CDON: variants seen among roughly 807,000 people sequenced by gnomAD.
CDON encodes cell adhesion molecule-related/down-regulated by oncogenes.
CDON carries 73 observed loss-of-function variants against 120.9 expected under a neutral mutation model. The observed-to-expected ratio is 0.60, with a 90% CI of 0.50 to 0.73. The LOEUF (loss-of-function observed/expected upper bound fraction) is 0.73, where lower values mean the gene tolerates loss of function less well. Among genes scored for constraint, CDON ranks in the 30% least tolerant of loss-of-function variants. CDON has a pLI of 0.00. For synonymous variants in CDON, 566 were observed against 573.5 expected, an observed-to-expected ratio of 0.99 and a Z score of 0.19; for missense variants, 1,470 against 1,587.3, an observed-to-expected ratio of 0.93 and a Z score of 1.26.
intron 1 of CDON, among the ~76,000 whole-genome samples, chr11:126,026,898 T>C (rs555632049): frequency 6.6e-6 from 1 of 152,324 alleles, no homozygotes; most frequent in East Asian, 1.9e-4. Context: ...TTTTGCCAAA[T>C]CTTTCAGCTA....
intron 1 of CDON, among the ~76,000 whole-genome samples, chr11:126,024,705 C>G (rs1947742462): frequency 6.6e-6 from 1 of 152,064 alleles, no homozygotes; most frequent in Non-Finnish European, 1.5e-5. Context: ...GAAGTCAGAG[C>G]TGGAAATGTA....
chr11:125,982,437 A>G (rs1265396965), intron 16 of CDON, among the ~76,000 whole-genome samples: 1 of 152,212 alleles, frequency 6.6e-6, no homozygotes, highest in African/African-American at 2.4e-5. Context: ...CTTCGAAGGT[A>G]GGAGAGCTTG....
intron 1 of CDON, among the ~76,000 whole-genome samples, chr11:126,049,362 A>G (rs1354356806): frequency 3.9e-5 from 6 of 152,250 alleles, no homozygotes; most frequent in African/African-American, 1.4e-4. Context: ...GCTTAGGTTA[A>G]GCAAGGCCAG....
intron 6 of CDON, among the ~76,000 whole-genome samples, chr11:126,016,526 G>A (rs544881696): frequency 2.0e-5 from 3 of 152,130 alleles, no homozygotes; most frequent in African/African-American, 4.8e-5. Flanking sequence ...TCCACCTCCC[G>A]GGTTCAAACC....
chr11:126,060,043 C>G lies in CDON; in HGVS notation c.-62+2536G>C, dbSNP rs541201493. Reference sequence around the variant, plus strand: ...TCCCTTCTTTTTAACAAAAAAGAATCAAGTAAAGCCCTCCCCTGTGCTGTT... The same window carrying G: ...TCCCTTCTTTTTAACAAAAAAGAATGAAGTAAAGCCCTCCCCTGTGCTGTT... On this transcript the variant is annotated intron_variant, in intron 1 of 19. Coordinates refer to ENST00000531738, the MANE Select transcript of CDON (RefSeq NM_001378964.1). Among the ~76,000 whole-genome samples, 3 of 151,992 alleles carry G rather than the reference C, an allele frequency of 2.0e-5. No individual in the cohort carries two copies. The East Asian group carries it at 5.8e-4, about 29-fold the overall frequency.
chr11:126,042,041 C>T (rs556900934), intron 1 of CDON, among the ~76,000 whole-genome samples: 6 of 152,194 alleles, frequency 3.9e-5, no homozygotes, highest in East Asian at 1.9e-4. Context: ...TGAGCCACCA[C>T]GCCCAGCTAA....
intron 2 of CDON, among the ~76,000 whole-genome samples, chr11:126,022,101 C>T (rs1363071974): frequency 3.5e-5 from 2 of 56,554 alleles, no homozygotes; most frequent in African/African-American, 6.3e-5. Flanking sequence ...GACCCTGCTT[C>T]AAAAAAAAAA....
chr11:126,054,063 T>G (rs148997509), intron 1 of CDON, among the ~76,000 whole-genome samples: 27 of 152,346 alleles, frequency 1.8e-4, no homozygotes, highest in African/African-American at 5.5e-4. Flanking sequence ...CAGTATTTTA[T>G]CCATTAAACA....
chr11:125,984,187 G>A, intron 15 of CDON, 94 bp from the exon 16 acceptor site: 1 of 863,882 alleles, frequency 1.2e-6, no homozygotes, highest in Non-Finnish European at 1.9e-6. Flanking sequence ...AGGAATGCAA[G>A]CCAGTCTGTT....
intron 12 of CDON, among the ~76,000 whole-genome samples, chr11:125,996,386 G>T (rs1946783011): frequency 1.3e-5 from 2 of 152,184 alleles, no homozygotes; most frequent in South Asian, 4.1e-4. Context: ...AAAATATGGG[G>T]AATATTGGAT....
intron 15 of CDON, among the ~76,000 whole-genome samples, chr11:125,986,875 G>A (rs1591356729): frequency 6.6e-6 from 1 of 152,008 alleles, no homozygotes; most frequent in Admixed American, 6.6e-5. Context: ...TCTTTCAAGA[G>A]AAAAGAAGTC....
intron 16 of CDON, among the ~76,000 whole-genome samples, chr11:125,982,341 CA>C (rs1365031458): frequency 4.6e-5 from 7 of 152,142 alleles, no homozygotes; most frequent in Non-Finnish European, 1.0e-4. Flanking sequence ...GCACATCTAC[CA>C]GATATATTTA....
chr11:126,053,762 T>C (rs145869694), intron 1 of CDON, among the ~76,000 whole-genome samples: 43 of 152,266 alleles, frequency 2.8e-4, no homozygotes, highest in African/African-American at 9.1e-4. Flanking sequence ...CATACTCTCA[T>C]AGTCACCAAC....
chr11:126,005,778 T>C lies in CDON; in HGVS notation c.1832A>G (p.Tyr611Cys). Residue 611 changes from tyrosine (Y) to cysteine (C), a missense_variant, in exon 9 of 20, where the codon TAC (tyrosine) becomes TGC (cysteine). Tyr to Cys is a radical substitution (Grantham distance 194). Transcript: ENST00000531738. ...GKDGGLPINA[Y>C]FVKYRKLDDG... ...CATTACCTTTCGATACTTCACAAAGTAAGCATTGATGGGCAGCCCACCATC... is the reference window on the plus strand; with the variant it reads ...CATTACCTTTCGATACTTCACAAAGCAAGCATTGATGGGCAGCCCACCATC... 6.2e-7 allele frequency: 1 copy of C among 1,613,774 alleles called. No homozygotes were observed. The highest frequency in any genetic ancestry group is 1.7e-5 in the Admixed American group (1 of 60,030).
intron 18 of CDON, among the ~76,000 whole-genome samples, chr11:125,977,199 G>C (rs578220917): frequency 6.6e-6 from 1 of 152,142 alleles, no homozygotes; most frequent in Non-Finnish European, 1.5e-5. Context: ...ATTTAAATAC[G>C]TAACAAGCAA....
rs1410096982 is a variant in CDON, at chr11:126,005,832, G to A, written c.1778C>T (p.Thr593Met). The A allele has an allele frequency of 9.3e-6, 15 of 1,613,878 alleles. No homozygotes were observed. The highest frequency in any genetic ancestry group is 4.5e-5 in the East Asian group (2 of 44,888). ...GCCTGCCCTCCACACCAGGTTGTAC[G>A]TGTCTGGTGTGTGGGTCTGTGGGGG... ...LSPPQTHTPDTYNLVWRAGKD... is the reference protein window; with the variant it reads ...LSPPQTHTPDMYNLVWRAGKD... Residue 593 changes from threonine (T) to methionine (M), a missense_variant, in exon 9 of 20, where the codon ACG (threonine) becomes ATG (methionine). Coordinates refer to ENST00000531738, the MANE Select transcript of CDON (RefSeq NM_001378964.1).
intron 1 of CDON, among the ~76,000 whole-genome samples, chr11:126,025,075 T>C (rs1280750942): frequency 9.2e-5 from 14 of 151,996 alleles, no homozygotes; most frequent in Admixed American, 7.9e-4. Flanking sequence ...CCTGGTGGCA[T>C]GCACCTGTAA....
At chr11:125,982,908 G>A (rs904093939) in intron 16 of CDON, among the ~76,000 whole-genome samples, 10 of 151,440 alleles carry the variant, frequency 6.6e-5, no homozygotes, top group Admixed American at 1.3e-4. Context: ...AATTAAAGGC[G>A]ATGGCATTAA....
Position 126,010,533 on chromosome 11 carries a change from T to A in CDON, c.1360A>T (p.Arg454Ter). The A allele has an allele frequency of 6.2e-7, 1 of 1,614,120 alleles. No individual in the cohort carries two copies. Among genetic ancestry groups the A allele is most frequent in the Non-Finnish European group, 8.5e-7 (1 of 1,179,986 alleles). The change falls in exon 8 of 20, where the codon AGA becomes TGA. Residue 454 changes from arginine (R) to a stop codon, truncating the protein, a stop_gained. Transcript: ENST00000531738. LOFTEE classifies it high-confidence loss of function. ...AACTGTGATTTTCGGGATTTCGATC[T>A]CAGGACTTGAGATGGATGGCTGGTT... ...LITSHPSQVL[R>*]SKSRKSQLSR...
Sources: gnomAD v4.1 joint callset for allele counts (sites outside exome capture counted in the v4.1 genomes callset) on GRCh38, gnomAD v4.1.1 for gene constraint, MANE v1.5 for transcripts, NCBI Gene and HGNC (gene_info 2026-07-23, HGNC 2026-07-21) for gene names.